Variants in ADGRA3 observed in about 807,000 individuals in gnomAD.
ADGRA3 encodes adhesion G protein-coupled receptor A3, also known as G-protein coupled receptor 125.
Under a neutral mutation model 119.8 loss-of-function variants are expected in ADGRA3, and 56 were observed. The ratio of observed to expected loss-of-function variants is 0.47; its 90% confidence interval spans 0.38 to 0.58. The LOEUF is 0.58. ADGRA3 is among the 20% of genes least tolerant of loss of function. The pLI is 0.00. For missense variants in ADGRA3, 1,516 were observed against 1,649.0 expected (o/e 0.92, Z 1.40); for synonymous variants, 607 against 623.8 (o/e 0.97, Z 0.40).
intron 3 of ADGRA3, among the ~76,000 whole-genome samples, chr4:22,457,158 G>C (rs562172154): frequency 6.6e-6 from 1 of 152,146 alleles, no homozygotes; most frequent in African/African-American, 2.4e-5. Context: ...TTGTTATTTG[G>C]ATTGAGAATC....
At chr4:22,401,743 C>T (rs917163048) in intron 15 of ADGRA3, among the ~76,000 whole-genome samples, 189 bp from the exon 16 acceptor site, 4 of 151,956 alleles carry the variant, frequency 2.6e-5, no homozygotes, top group African/African-American at 9.7e-5. Flanking sequence ...TCATTTAACT[C>T]GATCTCGTTT....
chr4:22,417,772 CA>C (rs906759773), intron 12 of ADGRA3, among the ~76,000 whole-genome samples: 4 of 152,168 alleles, frequency 2.6e-5, no homozygotes, highest in African/African-American at 9.6e-5. Flanking sequence ...AGGAAGAATC[CA>C]AAGGCAGTTT....
At chr4:22,510,103 G>A (rs377520120) in intron 1 of ADGRA3, among the ~76,000 whole-genome samples, 88 of 151,434 alleles carry the variant, frequency 5.8e-4, no homozygotes, top group African/African-American at 2.0e-3. Context: ...ATTCAGATAC[G>A]TCTGCCATAC....
intron 2 of ADGRA3, among the ~76,000 whole-genome samples, chr4:22,470,987 G>A (rs1717840470): frequency 6.6e-6 from 1 of 152,142 alleles, no homozygotes; most frequent in South Asian, 2.1e-4. Context: ...GTTGCTGAAA[G>A]CAGGAGTGGG....
intron 17 of ADGRA3, among the ~76,000 whole-genome samples, chr4:22,389,470 T>A (rs1714016570): frequency 6.6e-6 from 1 of 152,064 alleles, no homozygotes; most frequent in African/African-American, 2.4e-5. Context: ...ACTCTGAGCC[T>A]GCTGGTAGGA....
At chr4:22,423,202 A>G (rs1715783398) in intron 11 of ADGRA3, among the ~76,000 whole-genome samples, 1 of 152,048 alleles carries the variant, frequency 6.6e-6, no homozygotes, top group African/African-American at 2.4e-5. Context: ...CCCCCCAAAA[A>G]TAAATAAATA....
intron 4 of ADGRA3, among the ~76,000 whole-genome samples, chr4:22,447,983 G>A (rs1716889734): frequency 6.6e-6 from 1 of 152,166 alleles, no homozygotes; most frequent in Admixed American, 6.5e-5. Context: ...AGGGGAGCGG[G>A]ATGAGTTCAG....
chr4:22,456,557 C>T (rs1717246958), intron 3 of ADGRA3, among the ~76,000 whole-genome samples: 1 of 152,208 alleles, frequency 6.6e-6, no homozygotes, highest in Non-Finnish European at 1.5e-5. Flanking sequence ...CTGGGGCTTT[C>T]ATGCCTTCGG....
chr4:22,475,641 G>A (rs1006196100), intron 1 of ADGRA3, among the ~76,000 whole-genome samples: 4 of 151,992 alleles, frequency 2.6e-5, no homozygotes, highest in Non-Finnish European at 4.4e-5. Context: ...GCAGGAGAAT[G>A]GCGTGAACCC....
At chr4:22,497,468 T>C (rs1238471223) in intron 1 of ADGRA3, among the ~76,000 whole-genome samples, 1 of 152,068 alleles carries the variant, frequency 6.6e-6, no homozygotes, top group African/African-American at 2.4e-5. Context: ...AAAGCCTATA[T>C]TCCTATAGCA....
intron 16 of ADGRA3, chr4:22,393,668 C>T (rs949291713): frequency 1.3e-5 from 2 of 152,052 alleles, no homozygotes; most frequent in African/African-American, 4.8e-5. Context: ...TAAGATGGTC[C>T]ACATTAAGCA....
rs56925675 is a variant in ADGRA3 at position 22,421,039 on chromosome 4, G to A, written c.1656C>T (p.Phe552=). 3.0e-5 allele frequency: 49 copies of A among 1,614,022 alleles called. No individual in the cohort carries two copies. The East Asian group carries it at 1.1e-3, about 36-fold the overall frequency. ...LEAYVIKSTG[F]TGMTCTVFQK... ...GGAACACGGTACAGGTCATCCCCGTGAAGCCAGTAGACTTGATGACATAAG... is the reference window on the plus strand; with the variant it reads ...GGAACACGGTACAGGTCATCCCCGTAAAGCCAGTAGACTTGATGACATAAG... The change falls in exon 12 of 19, where the codon TTC becomes TTT. Residue 552 remains phenylalanine (F), a synonymous_variant. Coordinates refer to ENST00000334304, the MANE Select transcript of ADGRA3 (RefSeq NM_145290.4).
chr4:22,462,124 TTTC>T (rs1433473299), intron 2 of ADGRA3, among the ~76,000 whole-genome samples: 4 of 152,216 alleles, frequency 2.6e-5, no homozygotes, highest in Non-Finnish European at 5.9e-5. Flanking sequence ...ATTTCTATAA[TTTC>T]TTCTTTAGTA....
intron 1 of ADGRA3, among the ~76,000 whole-genome samples, chr4:22,474,417 G>A (rs912871385): frequency 2.6e-5 from 4 of 152,088 alleles, no homozygotes; most frequent in African/African-American, 4.8e-5. Context: ...ATGCTTTTGG[G>A]CAATGTTTAT....
chr4:22,421,194 A>T (rs1715664357), intron 11 of ADGRA3, 105 bp from the exon 12 acceptor site: 1 of 800,568 alleles, frequency 1.2e-6, no homozygotes. Flanking sequence ...GCCAAACCAG[A>T]AAGCCCAGGT....
intron 4 of ADGRA3, among the ~76,000 whole-genome samples, chr4:22,450,156 A>G (rs1163789479): frequency 2.0e-5 from 3 of 152,052 alleles, no homozygotes; most frequent in Admixed American, 6.6e-5. Context: ...AATAAATAAA[A>G]CTAAGAGGGA....
intron 3 of ADGRA3, among the ~76,000 whole-genome samples, chr4:22,459,958 C>T (rs1717382304): frequency 6.6e-6 from 1 of 152,040 alleles, no homozygotes; most frequent in Non-Finnish European, 1.5e-5. Flanking sequence ...ATCCCAGTCC[C>T]TGACCGGCCT....
At chr4:22,445,335 C>T (rs1046779729) in intron 5 of ADGRA3, among the ~76,000 whole-genome samples, 1 of 152,160 alleles carries the variant, frequency 6.6e-6, no homozygotes, top group African/African-American at 2.4e-5. Context: ...TCTTGCTGAT[C>T]CCGGGTTTCT....
chr4:22,481,928 A>T (rs1718272211), intron 1 of ADGRA3, among the ~76,000 whole-genome samples: 1 of 152,236 alleles, frequency 6.6e-6, no homozygotes, highest in African/African-American at 2.4e-5. Flanking sequence ...TGAATCTCAA[A>T]ATTCTCCATC....
Sources: allele counts gnomAD v4.1 joint callset (sites outside exome capture counted in the v4.1 genomes callset), GRCh38; gene constraint gnomAD v4.1.1; transcripts MANE v1.5; gene names NCBI Gene and HGNC (gene_info 2026-07-23, HGNC 2026-07-21).